FOXN3: variants seen among roughly 807,000 people sequenced by gnomAD.
FOXN3 encodes the protein forkhead box N3, also known as forkhead box protein N3.
FOXN3 carries 7 observed loss-of-function variants against 38.4 expected under a neutral mutation model. The observed-to-expected ratio is 0.18, with a 90% CI of 0.10 to 0.34. The LOEUF is 0.34. Among genes scored for constraint, FOXN3 ranks in the 10% least tolerant of loss-of-function variants. The probability of loss-of-function intolerance (pLI) is 1.00; values close to 1 mark genes in which losing one functional copy is unlikely to be tolerated. For synonymous variants in FOXN3, 230 were observed against 242.2 expected (o/e 0.95, Z 0.47); for missense variants, 456 against 613.4 (o/e 0.74, Z 2.71).
rs59949946 is a variant in FOXN3, at chr14:89,312,284, C to CAAAAAAAAAAAAAAAAAAAAAAAAAAAAA, written c.681-31271_681-31270insTTTTTTTTTTTTTTTTTTTTTTTTTTTTT. On this transcript the variant is annotated intron_variant, in intron 3 of 5. Transcript: ENST00000557258. Reference sequence around the variant, plus strand: ...TGGGTGACAGAGCAAGACTCGGTCTCAAAAAAAAAAAAAAAAAGAAGCCAA... The same window carrying CAAAAAAAAAAAAAAAAAAAAAAAAAAAAA: ...TGGGTGACAGAGCAAGACTCGGTCTCAAAAAAAAAAAAAAAAAAAAAAAAAAAAAAAAAAAAAAAAAAAAAAGAAGCCAA... Among the ~76,000 whole-genome samples the CAAAAAAAAAAAAAAAAAAAAAAAAAAAAA allele has an allele frequency of 4.6e-4, 28 of 60,574 alleles. 2 individuals are homozygous for CAAAAAAAAAAAAAAAAAAAAAAAAAAAAA. Among genetic ancestry groups the CAAAAAAAAAAAAAAAAAAAAAAAAAAAAA allele is most frequent in the African/African-American group, 6.6e-4 (8 of 12,080 alleles). 39.7% of individuals were successfully genotyped at this position (60,574 alleles called of 152,430 possible). A position where few individuals can be genotyped will look rare whatever the true frequency, so the allele number is the denominator to read the frequency against.
At chr14:89,400,429 A>G (rs1406902588) in intron 2 of FOXN3, among the ~76,000 whole-genome samples, 1 of 152,204 alleles carries the variant, frequency 6.6e-6, no homozygotes, top group Non-Finnish European at 1.5e-5. Flanking sequence ...ACTTCCTGAC[A>G]GCTCCACTTA....
intron 1 of FOXN3, among the ~76,000 whole-genome samples, chr14:89,610,607 A>C (rs1457897678): frequency 6.6e-6 from 1 of 152,180 alleles, no homozygotes; most frequent in African/African-American, 2.4e-5. Flanking sequence ...GAAGGATCTC[A>C]TGAGGGTGGC....
chr14:89,205,152 A>T (rs1192195478), intron 4 of FOXN3, among the ~76,000 whole-genome samples: 2 of 136,122 alleles, frequency 1.5e-5, no homozygotes, highest in African/African-American at 3.0e-5. Flanking sequence ...TGTTTGATTT[A>T]AAAAAAAAAA....
chr14:89,486,194 C>T (rs1893443863), intron 1 of FOXN3, among the ~76,000 whole-genome samples: 1 of 152,180 alleles, frequency 6.6e-6, no homozygotes, highest in African/African-American at 2.4e-5. Flanking sequence ...AAAAGTACAA[C>T]ATTAGAAAGA....
intron 1 of FOXN3, among the ~76,000 whole-genome samples, chr14:89,512,058 G>C (rs1398551891): frequency 6.6e-6 from 1 of 152,140 alleles, no homozygotes; most frequent in African/African-American, 2.4e-5. Context: ...CATAAGTACA[G>C]ACCCTTAGAG....
chr14:89,535,996 A>G (rs1040201524), intron 1 of FOXN3, among the ~76,000 whole-genome samples: 5 of 152,274 alleles, frequency 3.3e-5, no homozygotes, highest in African/African-American at 4.8e-5. Context: ...ATAAAAGACT[A>G]TATTATTAAA....
chr14:89,597,604 TTG>T (rs1233348691), intron 1 of FOXN3, among the ~76,000 whole-genome samples: 2 of 151,694 alleles, frequency 1.3e-5, no homozygotes, highest in East Asian at 1.9e-4. Flanking sequence ...GGTCTTATAA[TTG>T]TGTGTGTGTG....
intron 4 of FOXN3, among the ~76,000 whole-genome samples, chr14:89,190,008 T>TC (rs1203556949): frequency 1.3e-5 from 2 of 152,210 alleles, no homozygotes; most frequent in Non-Finnish European, 2.9e-5. Context: ...ACTGCTCAGG[T>TC]CCATTAGGGT....
At chr14:89,615,180 T>A (rs1057085592) in intron 1 of FOXN3, among the ~76,000 whole-genome samples, 3 of 151,654 alleles carry the variant, frequency 2.0e-5, no homozygotes, top group African/African-American at 7.3e-5. Flanking sequence ...GTATTCTTTA[T>A]GGACCTTTTG....
rs1891124540 is a variant in FOXN3 at position 89,397,329 on chromosome 14, G to A, written c.543+14605C>T. On this transcript the variant is annotated intron_variant, in intron 2 of 5. Coordinates refer to ENST00000557258, the MANE Select transcript of FOXN3 (RefSeq NM_005197.4). Reference sequence around the variant, plus strand: ...GGGAGAAGATCAGGAAAAAACTATTGGTTACTAGGCTTATACCTAGGTGGT... The same window carrying A: ...GGGAGAAGATCAGGAAAAAACTATTAGTTACTAGGCTTATACCTAGGTGGT... Among the ~76,000 whole-genome samples, 3 of 151,458 alleles carry A rather than the reference G, an allele frequency of 2.0e-5. 1 individual carries two copies. Among genetic ancestry groups the A allele is most frequent in the Admixed American group, 6.6e-5 (1 of 15,148 alleles).
At chr14:89,434,599 T>TC (rs1259914384) in intron 1 of FOXN3, among the ~76,000 whole-genome samples, 7 of 152,192 alleles carry the variant, frequency 4.6e-5, no homozygotes, top group Non-Finnish European at 1.0e-4. Flanking sequence ...GGCCTGGAAC[T>TC]CCAAGTCCAT....
chr14:89,259,270 G>C (rs569627117), intron 4 of FOXN3, among the ~76,000 whole-genome samples: 9 of 152,282 alleles, frequency 5.9e-5, no homozygotes, highest in Admixed American at 2.6e-4. Flanking sequence ...CTTTCTATGA[G>C]AATCTAAAGG....
intron 1 of FOXN3, among the ~76,000 whole-genome samples, chr14:89,431,017 G>GT (rs1451605260): frequency 6.6e-6 from 1 of 152,166 alleles, no homozygotes; most frequent in African/African-American, 2.4e-5. Context: ...AAGGAAAATG[G>GT]TTTTCTCAGT....
chr14:89,265,061 T>A (rs941287470), intron 4 of FOXN3, among the ~76,000 whole-genome samples: 4 of 152,176 alleles, frequency 2.6e-5, no homozygotes, highest in African/African-American at 7.2e-5. Context: ...ATTCCCTGTG[T>A]TCAAACTGTA....
intron 4 of FOXN3, among the ~76,000 whole-genome samples, chr14:89,187,576 C>T (rs1277297523): frequency 1.3e-5 from 2 of 152,214 alleles, no homozygotes; most frequent in Non-Finnish European, 2.9e-5. Context: ...GGGATGACTG[C>T]CTAATCATTC....
intron 2 of FOXN3, among the ~76,000 whole-genome samples, chr14:89,395,681 T>G (rs1056435463): frequency 2.0e-5 from 3 of 152,188 alleles, no homozygotes; most frequent in Non-Finnish European, 4.4e-5. Context: ...ATTAGCTGGA[T>G]GGATGAACAA....
chr14:89,345,307 A>T (rs1292917717), intron 3 of FOXN3, among the ~76,000 whole-genome samples: 1 of 151,980 alleles, frequency 6.6e-6, no homozygotes, highest in Non-Finnish European at 1.5e-5. Flanking sequence ...ACCAAAAACA[A>T]TCGGGATATC....
chr14:89,496,828 T>C (rs1893693573), intron 1 of FOXN3, among the ~76,000 whole-genome samples: 1 of 152,188 alleles, frequency 6.6e-6, no homozygotes, highest in Non-Finnish European at 1.5e-5. Flanking sequence ...CATTCTACTT[T>C]GTCTCTATGA....
At chr14:89,264,264 A>C (rs967640586) in intron 4 of FOXN3, among the ~76,000 whole-genome samples, 18 of 152,172 alleles carry the variant, frequency 1.2e-4, no homozygotes, top group African/African-American at 4.3e-4. Flanking sequence ...ACAGTTCCAC[A>C]TGGCTCAGGA....
Sources: gnomAD v4.1 joint callset for allele counts (sites outside exome capture counted in the v4.1 genomes callset) on GRCh38, gnomAD v4.1.1 for gene constraint, MANE v1.5 for transcripts, NCBI Gene and HGNC (gene_info 2026-07-23, HGNC 2026-07-21) for gene names.